The following ARID4B variants were observed in gnomAD, a reference collection of about 807,000 sequenced individuals.
ARID4B encodes AT-rich interaction domain 4B.
A neutral mutation model predicts 147.5 loss-of-function variants in ARID4B; 26 were observed. That is an observed-to-expected ratio of 0.18 (90% confidence interval 0.13 to 0.24). The LOEUF (loss-of-function observed/expected upper bound fraction) is 0.24, where lower values mean the gene tolerates loss of function less well. Among genes scored for constraint, ARID4B ranks in the 10% least tolerant of loss-of-function variants. The pLI is 1.00. For missense variants in ARID4B, 1,179 were observed against 1,511.5 expected (o/e 0.78, Z 3.65); for synonymous variants, 512 against 507.9 (o/e 1.01, Z -0.11).
chr1:235,274,964 A>G (rs1444613420), intron 2 of ARID4B, among the ~76,000 whole-genome samples: 1 of 152,064 alleles, frequency 6.6e-6, no homozygotes, highest in Admixed American at 6.6e-5. Flanking sequence ...CAATGGTAAG[A>G]GTAGGAAAAT....
chr1:235,289,918 T>C (rs1672222032), intron 2 of ARID4B, among the ~76,000 whole-genome samples: 1 of 152,000 alleles, frequency 6.6e-6, no homozygotes, highest in Non-Finnish European at 1.5e-5. Flanking sequence ...TAGTTTCAAC[T>C]ACTTGGGAGG....
intron 21 of ARID4B, among the ~76,000 whole-genome samples, chr1:235,177,189 T>C (rs1251088181): frequency 6.6e-6 from 1 of 152,206 alleles, no homozygotes; most frequent in East Asian, 1.9e-4. Context: ...CCTTGAAGAA[T>C]TACTAAGCAA....
intron 20 of ARID4B, among the ~76,000 whole-genome samples, chr1:235,179,394 C>T (rs1032719448): frequency 2.0e-5 from 3 of 151,578 alleles, no homozygotes; most frequent in African/African-American, 4.8e-5. Context: ...AAAAATTAGC[C>T]GGGCGTTAAT....
intron 2 of ARID4B, among the ~76,000 whole-genome samples, chr1:235,270,744 G>A (rs556687548): frequency 1.3e-5 from 2 of 152,326 alleles, no homozygotes; most frequent in African/African-American, 4.8e-5. Context: ...TCTGCCTTGA[G>A]AAGAGGTTAT....
intron 16 of ARID4B, among the ~76,000 whole-genome samples, chr1:235,214,585 T>C (rs1465849872): frequency 1.3e-5 from 2 of 152,140 alleles, no homozygotes; most frequent in African/African-American, 4.8e-5. Context: ...CCAACCGAAT[T>C]TTCAAATGTT....
Position 235,166,964 on chromosome 1 carries a change from T to A in ARID4B, c.*1561A>T, listed in dbSNP as rs1663007128. The stretch of plus-strand genomic sequence containing the variant: ...TACATTTGTACAATATATTACATAA[T>A]TCTTCATTGTTTGCAGATCCTAATA... On this transcript the variant is annotated 3_prime_UTR_variant, in exon 24 of 24. Coordinates refer to ENST00000264183, the MANE Select transcript of ARID4B (RefSeq NM_016374.6). 1 of 179,280 alleles carries A rather than the reference T, an allele frequency of 5.6e-6. No homozygotes were observed. The highest frequency in any genetic ancestry group is 1.2e-5 in the Non-Finnish European group (1 of 83,396). 11.1% of individuals were successfully genotyped at this position (179,280 alleles called of 1,614,324 possible).
chr1:235,228,539 A>C (rs1313844922), intron 11 of ARID4B: 1 of 149,592 alleles, frequency 6.7e-6, no homozygotes, highest in Non-Finnish European at 1.5e-5. Context: ...CTGGTCTCAA[A>C]CTCCTGAGTT....
intron 17 of ARID4B, among the ~76,000 whole-genome samples, chr1:235,204,152 T>C (rs1219961972): frequency 2.0e-5 from 3 of 152,094 alleles, no homozygotes; most frequent in African/African-American, 4.8e-5. Flanking sequence ...TGAAACCTCA[T>C]CTCTCCTAAA....
chr1:235,257,350 C>G, intron 3 of ARID4B, 125 bp from the exon 4 acceptor site: 1 of 638,522 alleles, frequency 1.6e-6, no homozygotes, highest in Admixed American at 2.6e-5. Context: ...ATACAACATC[C>G]CAATCCCTAA....
intron 20 of ARID4B, chr1:235,181,132 C>G (rs952847518): frequency 9.8e-7 from 1 of 1,024,498 alleles, no homozygotes; most frequent in Non-Finnish European, 1.2e-6. Flanking sequence ...AGTGCCTGGA[C>G]AGTTGGTTGC....
intron 16 of ARID4B, among the ~76,000 whole-genome samples, chr1:235,216,374 G>T (rs1324311058): frequency 6.6e-6 from 1 of 151,634 alleles, no homozygotes; most frequent in African/African-American, 2.4e-5. Flanking sequence ...TTGAGACAGA[G>T]TCTCGCTCTG....
rs763009081 is a variant in ARID4B at position 235,234,426 on chromosome 1, T to G, written c.652A>C (p.Lys218Gln). 6.2e-7 allele frequency: 1 copy of G among 1,601,544 alleles called. No homozygotes were observed. Among genetic ancestry groups the G allele is most frequent in the South Asian group, 1.1e-5 (1 of 89,996 alleles). Residue 218 changes from lysine to glutamine, a missense_variant, in exon 9 of 24, where the codon AAA becomes CAA. Lys to Gln is a moderately conservative substitution (Grantham distance 53). Transcript: ENST00000264183. Reference sequence around the variant, plus strand: ...AATTATACTTACAATTTTCCATCTTTGAAAGATCGAACAAGAATATTGTCC... The same window carrying G: ...AATTATACTTACAATTTTCCATCTTGGAAAGATCGAACAAGAATATTGTCC... Reference protein sequence around the residue: ...KKDNILVRSFKDGKFTSVPRK... With the variant: ...KKDNILVRSFQDGKFTSVPRK...
At chr1:235,199,865 T>C (rs1167723242) in intron 17 of ARID4B, among the ~76,000 whole-genome samples, 1 of 152,152 alleles carries the variant, frequency 6.6e-6, no homozygotes, top group Non-Finnish European at 1.5e-5. Flanking sequence ...AAAATAAAGA[T>C]GGTCAGAAGA....
chr1:235,172,049 T>G (rs1571885760), intron 23 of ARID4B, among the ~76,000 whole-genome samples: 1 of 152,358 alleles, frequency 6.6e-6, no homozygotes, highest in East Asian at 1.9e-4. Context: ...TACCTTAACA[T>G]CATTTTCTTC....
At chr1:235,231,074 T>C in intron 10 of ARID4B, 39 bp downstream of exon 10, 1 of 1,389,452 alleles carries the variant, frequency 7.2e-7, no homozygotes, top group South Asian at 1.3e-5. Context: ...CTTTAGCAGT[T>C]TTTACAGTAC....
intron 2 of ARID4B, among the ~76,000 whole-genome samples, chr1:235,316,891 C>A (rs1398738895): frequency 6.6e-6 from 1 of 152,096 alleles, no homozygotes; most frequent in East Asian, 1.9e-4. Context: ...AGAAATGCTA[C>A]AAAAACTGAA....
chr1:235,229,857 T>C (rs974038024), intron 10 of ARID4B, among the ~76,000 whole-genome samples: 1 of 152,190 alleles, frequency 6.6e-6, no homozygotes. Flanking sequence ...ATGGTAACAA[T>C]TACCTTCAAC....
intron 8 of ARID4B, among the ~76,000 whole-genome samples, chr1:235,238,143 C>CAAAAAAAAAAAAAAA (rs533707841): frequency 1.2e-5 from 1 of 80,918 alleles, no homozygotes. Flanking sequence ...AACTCCATCT[C>CAAAAAAAAAAAAAAA]AAAAAAAAAA....
chr1:235,193,874 T>C (rs1367622030), intron 19 of ARID4B, 139 bp downstream of exon 19: 3 of 569,424 alleles, frequency 5.3e-6, no homozygotes, highest in Non-Finnish European at 8.8e-6. Context: ...AGTTAAGAGA[T>C]ATTCAACCTG....
Sources: gnomAD v4.1 joint callset for allele counts (sites outside exome capture counted in the v4.1 genomes callset) on GRCh38, gnomAD v4.1.1 for gene constraint, MANE v1.5 for transcripts, NCBI Gene and HGNC (gene_info 2026-07-23, HGNC 2026-07-21) for gene names.